LANCL2: variants seen among roughly 807,000 people sequenced by gnomAD.
The protein encoded by LANCL2 is lanC-like protein 2.
In LANCL2, 33 loss-of-function variants were observed where a neutral mutation model predicts 56.9. The ratio of observed to expected loss-of-function variants is 0.58; its 90% CI spans 0.44 to 0.78. The LOEUF is 0.78. LANCL2 is among the 30% of genes least tolerant of loss of function. LANCL2 has a pLI of 0.00. For synonymous variants in LANCL2, 233 were observed against 228.2 expected (o/e 1.02, Z -0.19); for missense variants, 562 against 580.2 (o/e 0.97, Z 0.32).
At chr7:55,425,479 C>A in intron 7 of LANCL2, 49 bp downstream of exon 7, 1 of 1,550,566 alleles carries the variant, frequency 6.4e-7, no homozygotes, top group Non-Finnish European at 8.9e-7. Flanking sequence ...CGAGTGTGCA[C>A]AGAATCCAGA....
At chr7:55,400,380 C>T (rs572887824) in intron 4 of LANCL2, among the ~76,000 whole-genome samples, 1 of 152,316 alleles carries the variant, frequency 6.6e-6, no homozygotes, top group South Asian at 2.1e-4. Flanking sequence ...TGAGATGTCT[C>T]AGCTGGTAAG....
Position 55,366,248 on chromosome 7 carries a change from C to G in LANCL2, c.204+19C>G. On this transcript the variant is annotated intron_variant, in intron 1 of 8. Coordinates refer to ENST00000254770, the MANE Select transcript of LANCL2 (RefSeq NM_018697.4). ...CGGGAAGGTGAGTCGGCGGCCTGGC[C>G]GCAGAGGCGCCGGAGGGGGAGCGCG... The G allele has an allele frequency of 2.7e-6, 4 of 1,466,370 alleles. No individual in the cohort carries two copies. The highest frequency in any genetic ancestry group is 2.2e-4 in the Middle Eastern group (1 of 4,506). 90.8% of individuals were successfully genotyped at this position (1,466,370 alleles called of 1,614,324 possible). A position where few individuals can be genotyped will look rare whatever the true frequency, so the allele number is the denominator to read the frequency against.
At chr7:55,389,642 A>G (rs539688227) in intron 1 of LANCL2, among the ~76,000 whole-genome samples, 2 of 151,828 alleles carry the variant, frequency 1.3e-5, no homozygotes, top group Admixed American at 1.3e-4. Flanking sequence ...CCTGACAACA[A>G]ATAACCAGTG....
chr7:55,424,905 C>G (rs1562870644), intron 6 of LANCL2, among the ~76,000 whole-genome samples: 1 of 152,218 alleles, frequency 6.6e-6, no homozygotes, highest in Non-Finnish European at 1.5e-5. Flanking sequence ...TGCGAGGGAT[C>G]TAGGTTGCGC....
chr7:55,390,993 A>G (rs999854497), intron 1 of LANCL2, among the ~76,000 whole-genome samples: 10 of 148,886 alleles, frequency 6.7e-5, no homozygotes, highest in Admixed American at 2.7e-4. Flanking sequence ...TTTGCATTTC[A>G]TTAGTTACTG....
At chr7:55,402,398 C>T (rs1188832310) in intron 5 of LANCL2, among the ~76,000 whole-genome samples, 2 of 116,834 alleles carry the variant, frequency 1.7e-5, no homozygotes, top group East Asian at 2.7e-4. Flanking sequence ...CCTCACCTCC[C>T]GGACGGGGCG....
intron 5 of LANCL2, among the ~76,000 whole-genome samples, chr7:55,404,348 G>A (rs964706378): frequency 1.3e-5 from 2 of 151,776 alleles, no homozygotes; most frequent in African/African-American, 4.9e-5. Context: ...TCTTTATTCT[G>A]CAAAACTACA....
intron 6 of LANCL2, among the ~76,000 whole-genome samples, chr7:55,418,178 C>T (rs912345624): frequency 7.3e-5 from 8 of 109,810 alleles, no homozygotes; most frequent in Non-Finnish European, 1.3e-4. Flanking sequence ...TATAGAAATA[C>T]AATTGCGTTT....
At chr7:55,416,445 C>T (rs1790540870) in intron 6 of LANCL2, among the ~76,000 whole-genome samples, 1 of 152,040 alleles carries the variant, frequency 6.6e-6, no homozygotes, top group Non-Finnish European at 1.5e-5. Context: ...TGCCACCACA[C>T]CTGGCTAAAT....
At chr7:55,400,328 C>T (rs1317598888) in intron 4 of LANCL2, among the ~76,000 whole-genome samples, 1 of 152,200 alleles carries the variant, frequency 6.6e-6, no homozygotes, top group African/African-American at 2.4e-5. Context: ...TGGAGCTAAA[C>T]AGCAGCAGCT....
chr7:55,366,888 G>A (rs960535450), intron 1 of LANCL2, among the ~76,000 whole-genome samples: 5 of 152,224 alleles, frequency 3.3e-5, no homozygotes, highest in Admixed American at 2.6e-4. Context: ...AGCTGTGGGA[G>A]AGTAAAGTGT....
In LANCL2 at chr7:55,391,572, T is replaced by A. The variant is rs1000517165; in HGVS notation, c.205-221T>A. Among the ~76,000 whole-genome samples, 40 of 152,178 alleles carry A rather than the reference T, an allele frequency of 2.6e-4. 1 individual carries two copies. Among genetic ancestry groups the A allele is most frequent in the Admixed American group, 3.9e-4 (6 of 15,274 alleles). ...GATTTCTGCAAGTTGTTTGTTGTTT[T>A]TTGTGATTCTACTTATGAGTTATAG... On this transcript the variant is annotated intron_variant, in intron 1 of 8. Coordinates refer to ENST00000254770, the MANE Select transcript of LANCL2 (RefSeq NM_018697.4).
chr7:55,368,392 G>A (rs1038521382), intron 1 of LANCL2, among the ~76,000 whole-genome samples: 2 of 152,204 alleles, frequency 1.3e-5, no homozygotes, highest in African/African-American at 2.4e-5. Flanking sequence ...GTGGTTGTGA[G>A]TATATGCTAA....
At chr7:55,392,057 C>G in intron 2 of LANCL2, 147 bp downstream of exon 2, 1 of 479,814 alleles carries the variant, frequency 2.1e-6, no homozygotes, top group Non-Finnish European at 3.8e-6. Context: ...CATTTGGAGG[C>G]CGAGGCAGGT....
intron 5 of LANCL2, among the ~76,000 whole-genome samples, chr7:55,403,436 AGAGAGG>A (rs373828815): frequency 0.019 from 2,712 of 142,940 alleles, 51 homozygotes; most frequent in African/African-American, 0.073. Context: ...GACCGTGGAA[AGAGAGG>A]GAGAGGGAGA....
intron 2 of LANCL2, among the ~76,000 whole-genome samples, chr7:55,395,635 AAG>A (rs1003807523): frequency 2.4e-4 from 37 of 152,120 alleles, no homozygotes; most frequent in African/African-American, 8.2e-4. Context: ...AAGAAAGATA[AAG>A]AGAGACTTCA....
Sources: gnomAD v4.1 joint callset for allele counts (sites outside exome capture counted in the v4.1 genomes callset) on GRCh38, gnomAD v4.1.1 for gene constraint, MANE v1.5 for transcripts, NCBI Gene and HGNC (gene_info 2026-07-23, HGNC 2026-07-21) for gene names.